CADPS2: variants seen among roughly 807,000 people sequenced by gnomAD.
CADPS2 encodes the protein calcium-dependent secretion activator 2.
CADPS2 carries 93 observed loss-of-function variants against 172.5 expected under a neutral mutation model. The observed-to-expected ratio is 0.54, with a 90% CI of 0.46 to 0.64. CADPS2 has a LOEUF of 0.64. Ranked by LOEUF, CADPS2 falls within the 30% of genes least tolerant of loss-of-function variation. CADPS2 has a pLI of 0.00. For missense variants in CADPS2, 1,420 were observed against 1,565.9 expected, an observed-to-expected ratio of 0.91 and a Z score of 1.57; for synonymous variants, 546 against 555.2, an observed-to-expected ratio of 0.98 and a Z score of 0.23.
intron 1 of CADPS2, among the ~76,000 whole-genome samples, chr7:122,805,140 A>G (rs1322554349): frequency 2.7e-5 from 4 of 150,554 alleles, no homozygotes; most frequent in Non-Finnish European, 4.4e-5. Context: ...ATAAATGCTG[A>G]AAGCATTTTC....
At position 122,706,122 on chromosome 7, in the gene CADPS2, T is replaced by TATATATATGCTTATATATTCAAGGA. The variant is rs1564127128; in HGVS notation, c.453+30832_453+30833insTCCTTGAATATATAAGCATATATAT. On this transcript the variant is annotated intron_variant, in intron 2 of 29. Transcript: ENST00000449022. ...TATATATGCTTATATATTCAAGGAATATATATATATGCTTATATATTCAAG... is the reference window on the plus strand; with the variant it reads ...TATATATGCTTATATATTCAAGGAATATATATATGCTTATATATTCAAGGAATATATATATGCTTATATATTCAAG... 2.3e-3 allele frequency among the ~76,000 whole-genome samples: 7 copies of TATATATATGCTTATATATTCAAGGA among 3,054 alleles called. 2 individuals are homozygous for TATATATATGCTTATATATTCAAGGA. The highest frequency in any genetic ancestry group is 0.025 in the East Asian group (2 of 80). 2.0% of individuals were successfully genotyped at this position (3,054 alleles called of 152,430 possible). A position where few individuals can be genotyped will look rare whatever the true frequency, so the allele number is the denominator to read the frequency against.
chr7:122,703,203 T>C (rs1443154839), intron 2 of CADPS2, among the ~76,000 whole-genome samples: 2 of 152,154 alleles, frequency 1.3e-5, no homozygotes, highest in Non-Finnish European at 2.9e-5. Flanking sequence ...ACTGAAAATC[T>C]ACCCAGCCAT....
At chr7:122,587,614 C>T (rs2069954310) in intron 6 of CADPS2, among the ~76,000 whole-genome samples, 1 of 152,078 alleles carries the variant, frequency 6.6e-6, no homozygotes, top group African/African-American at 2.4e-5. Context: ...GATTTATATT[C>T]CTTTGGTATA....
chr7:122,858,159 C>T (rs2141237029), intron 1 of CADPS2, among the ~76,000 whole-genome samples: 1 of 152,118 alleles, frequency 6.6e-6, no homozygotes, highest in Non-Finnish European at 1.5e-5. Context: ...TACATAGTGC[C>T]AATTGGTCCA....
intron 1 of CADPS2, among the ~76,000 whole-genome samples, chr7:122,830,596 A>T (rs1806255456): frequency 1.3e-5 from 2 of 152,232 alleles, no homozygotes. Context: ...TGCATATTTC[A>T]ATTTGTAACA....
chr7:122,361,034 G>A, intron 25 of CADPS2, 21 bp from the exon 26 acceptor site: 1 of 1,587,496 alleles, frequency 6.3e-7, no homozygotes, highest in Non-Finnish European at 8.6e-7. Flanking sequence ...GTTATAGTGA[G>A]TATTTAGAAT....
At chr7:122,856,753 A>G (rs2428913) in intron 1 of CADPS2, among the ~76,000 whole-genome samples, 32,011 of 152,206 alleles carry the variant, frequency 0.21, 4,286 homozygotes, top group African/African-American at 0.38. Flanking sequence ...AACAATCTCT[A>G]TAAAACATAG....
chr7:122,753,575 C>T (rs1054370294), intron 1 of CADPS2, among the ~76,000 whole-genome samples: 1 of 152,154 alleles, frequency 6.6e-6, no homozygotes, highest in Middle Eastern at 3.2e-3. Flanking sequence ...GAAAAGTACA[C>T]CTCATTTTCC....
intron 8 of CADPS2, among the ~76,000 whole-genome samples, chr7:122,540,097 T>C (rs1379078453): frequency 6.6e-6 from 1 of 152,080 alleles, no homozygotes; most frequent in Non-Finnish European, 1.5e-5. Context: ...TGAGATTTAG[T>C]CTAGAATTTT....
chr7:122,867,664 C>G (rs1028474308), intron 1 of CADPS2, among the ~76,000 whole-genome samples: 1 of 152,148 alleles, frequency 6.6e-6, no homozygotes, highest in Non-Finnish European at 1.5e-5. Flanking sequence ...AGTTGTAGCC[C>G]CCAGGATCAG....
intron 6 of CADPS2, among the ~76,000 whole-genome samples, chr7:122,612,030 C>G (rs1259732022): frequency 6.6e-6 from 1 of 151,904 alleles, no homozygotes; most frequent in East Asian, 1.9e-4. Flanking sequence ...TAAAAACAGT[C>G]AATAAACTAG....
intron 6 of CADPS2, among the ~76,000 whole-genome samples, chr7:122,607,188 A>G (rs181040364): frequency 6.7e-4 from 102 of 152,240 alleles, no homozygotes; most frequent in Non-Finnish European, 1.1e-3. Context: ...CAGGTTTCTG[A>G]GTGATTTAGA....
At chr7:122,629,912 A>C (rs2042383016) in intron 3 of CADPS2, among the ~76,000 whole-genome samples, 1 of 152,146 alleles carries the variant, frequency 6.6e-6, no homozygotes, top group Admixed American at 6.5e-5. Flanking sequence ...AATTTGACTG[A>C]AAACAAGAAA....
chr7:122,877,073 T>G (rs1313885951), intron 1 of CADPS2, among the ~76,000 whole-genome samples: 1 of 151,896 alleles, frequency 6.6e-6, no homozygotes, highest in African/African-American at 2.4e-5. Flanking sequence ...AAAAAAACAG[T>G]CATAATCAGG....
intron 6 of CADPS2, among the ~76,000 whole-genome samples, chr7:122,605,216 G>C (rs986304074): frequency 1.3e-5 from 2 of 152,084 alleles, no homozygotes; most frequent in African/African-American, 4.8e-5. Flanking sequence ...CAGTGAGTAA[G>C]TGGTGAGTAA....
chr7:122,617,659 A>C (rs2075076432), intron 5 of CADPS2, among the ~76,000 whole-genome samples: 1 of 152,208 alleles, frequency 6.6e-6, no homozygotes, highest in South Asian at 2.1e-4. Flanking sequence ...GACACTGGGC[A>C]ATATGGTGAA....
intron 8 of CADPS2, among the ~76,000 whole-genome samples, chr7:122,541,888 CAT>C (rs1324578670): frequency 5.8e-5 from 8 of 138,866 alleles, no homozygotes; most frequent in African/African-American, 2.1e-4. Context: ...TATATATATT[CAT>C]ATATATTTAT....
chr7:122,461,710 T>G (rs953183039), intron 14 of CADPS2, among the ~76,000 whole-genome samples: 8 of 152,190 alleles, frequency 5.3e-5, no homozygotes, highest in Admixed American at 5.2e-4. Context: ...TTCTCCTGCC[T>G]CAGCCTCCCA....
intron 17 of CADPS2, among the ~76,000 whole-genome samples, chr7:122,434,733 C>T (rs368393725): frequency 2.6e-5 from 4 of 152,354 alleles, no homozygotes; most frequent in African/African-American, 9.6e-5. Flanking sequence ...AATTCAGCGA[C>T]TCAGCGAACT....
Sources: allele counts gnomAD v4.1 joint callset (sites outside exome capture counted in the v4.1 genomes callset), GRCh38; gene constraint gnomAD v4.1.1; transcripts MANE v1.5; gene names NCBI Gene and HGNC (gene_info 2026-07-23, HGNC 2026-07-21).